The following CNTNAP2 variants were observed in gnomAD, a reference collection of about 807,000 sequenced individuals.
The protein encoded by CNTNAP2 is contactin-associated protein-like 2.
A neutral mutation model predicts 155.2 loss-of-function variants in CNTNAP2; 98 were observed. That is an observed-to-expected ratio of 0.63 (90% CI 0.54 to 0.75). The LOEUF is 0.75. Among genes scored for constraint, CNTNAP2 ranks in the 30% least tolerant of loss-of-function variants. The pLI is 0.00. For missense variants in CNTNAP2, 1,727 were observed against 1,688.1 expected (o/e 1.02, Z -0.40); for synonymous variants, 651 against 631.2 (o/e 1.03, Z -0.47).
chr7:147,576,950 T>G (rs1800407080), intron 12 of CNTNAP2, among the ~76,000 whole-genome samples: 1 of 152,066 alleles, frequency 6.6e-6, no homozygotes, highest in South Asian at 2.1e-4. Context: ...CTAATACACA[T>G]GCAATTATAT....
intron 14 of CNTNAP2, among the ~76,000 whole-genome samples, chr7:147,970,021 CT>C (rs1801306660): frequency 2.0e-5 from 3 of 151,926 alleles, no homozygotes; most frequent in Non-Finnish European, 4.4e-5. Flanking sequence ...CCTCAACCTC[CT>C]GGGCTCAAGC....
intron 15 of CNTNAP2, among the ~76,000 whole-genome samples, chr7:148,087,554 C>T (rs1164881959): frequency 2.6e-5 from 4 of 152,102 alleles, no homozygotes; most frequent in East Asian, 1.9e-4. Flanking sequence ...ATCAAATCAT[C>T]GAAATTTGAT....
intron 4 of CNTNAP2, among the ~76,000 whole-genome samples, chr7:147,059,464 ATACTCT>A (rs1799622916): frequency 6.7e-6 from 1 of 149,342 alleles, no homozygotes; most frequent in African/African-American, 2.5e-5. Context: ...AAATAAAAAG[ATACTCT>A]TGACTGTGAT....
In CNTNAP2 at chr7:148,181,741, C is replaced by CTTTTT. The variant is rs71527884; in HGVS notation, c.3010+9293_3010+9297dup. Reference sequence around the variant, plus strand: ...ATAACTTTTGTTTCAAGTGTGTGCCCTTTTTTTTTTTTTTTTTTTTTTTTT... The same window carrying CTTTTT: ...ATAACTTTTGTTTCAAGTGTGTGCCCTTTTTTTTTTTTTTTTTTTTTTTTTTTTTT... On this transcript the variant is annotated intron_variant, in intron 18 of 23. Coordinates refer to ENST00000361727, the MANE Select transcript of CNTNAP2 (RefSeq NM_014141.6). 8.0e-3 allele frequency among the ~76,000 whole-genome samples: 387 copies of CTTTTT among 48,670 alleles called. 72 individuals are homozygous for CTTTTT. The highest frequency in any genetic ancestry group is 0.025 in the East Asian group (34 of 1,368). The allele number at this position is 48,670 out of a possible 152,430, so 31.9% of individuals were successfully genotyped here.
intron 13 of CNTNAP2, among the ~76,000 whole-genome samples, chr7:147,712,788 A>C (rs1343083734): frequency 6.6e-6 from 1 of 152,200 alleles, no homozygotes; most frequent in Non-Finnish European, 1.5e-5. Flanking sequence ...AGATATACCT[A>C]ATGTAAATGA....
At chr7:147,091,247 G>C (rs2129273080) in intron 4 of CNTNAP2, among the ~76,000 whole-genome samples, 1 of 152,120 alleles carries the variant, frequency 6.6e-6, no homozygotes, top group South Asian at 2.1e-4. Context: ...TCTGGGCTCA[G>C]AGCCAATGCT....
intron 15 of CNTNAP2, among the ~76,000 whole-genome samples, chr7:148,013,609 A>G (rs1802121151): frequency 6.6e-6 from 1 of 152,234 alleles, no homozygotes; most frequent in Admixed American, 6.5e-5. Context: ...AAATTGAATT[A>G]CTGAATCATA....
chr7:147,259,462 G>A (rs1226023038), intron 8 of CNTNAP2, among the ~76,000 whole-genome samples: 2 of 151,804 alleles, frequency 1.3e-5, no homozygotes, highest in Non-Finnish European at 2.9e-5. Flanking sequence ...TCAAGAAAAA[G>A]GGAGAAAAAT....
intron 1 of CNTNAP2, among the ~76,000 whole-genome samples, chr7:146,564,917 A>T (rs1383484979): frequency 6.6e-6 from 1 of 152,122 alleles, no homozygotes; most frequent in Non-Finnish European, 1.5e-5. Flanking sequence ...TATAGATAAG[A>T]AACTGAGCAT....
At chr7:146,751,825 T>G (rs1801909846) in intron 1 of CNTNAP2, among the ~76,000 whole-genome samples, 1 of 151,980 alleles carries the variant, frequency 6.6e-6, no homozygotes, top group South Asian at 2.1e-4. Flanking sequence ...CCTCGCTGTG[T>G]CCTTGTGTTC....
chr7:147,793,781 A>G (rs1797854050), intron 13 of CNTNAP2, among the ~76,000 whole-genome samples: 1 of 151,994 alleles, frequency 6.6e-6, no homozygotes, highest in African/African-American at 2.4e-5. Context: ...AACAATATTA[A>G]GTCTTTTGAT....
intron 8 of CNTNAP2, among the ~76,000 whole-genome samples, chr7:147,179,444 G>C (rs1322360182): frequency 1.3e-5 from 2 of 152,140 alleles, no homozygotes; most frequent in Non-Finnish European, 2.9e-5. Context: ...AGACAAAGAG[G>C]AGGCTAAACA....
intron 8 of CNTNAP2, among the ~76,000 whole-genome samples, chr7:147,145,273 G>C (rs951289367): frequency 3.3e-5 from 5 of 152,108 alleles, no homozygotes; most frequent in African/African-American, 1.2e-4. Context: ...TCTCAGCTAG[G>C]AGTGATTTTG....
chr7:146,856,607 G>T (rs1245420741), intron 3 of CNTNAP2, among the ~76,000 whole-genome samples: 1 of 152,108 alleles, frequency 6.6e-6, no homozygotes, highest in East Asian at 1.9e-4. Context: ...CAAGGGAAAT[G>T]AATAATATTT....
At chr7:146,192,498 A>C (rs1479832856) in intron 1 of CNTNAP2, among the ~76,000 whole-genome samples, 1 of 151,778 alleles carries the variant, frequency 6.6e-6, no homozygotes, top group Non-Finnish European at 1.5e-5. Flanking sequence ...AAGCAAAGTC[A>C]CATCTTACAT....
intron 18 of CNTNAP2, among the ~76,000 whole-genome samples, chr7:148,188,425 A>G (rs1343358643): frequency 6.6e-6 from 1 of 152,202 alleles, no homozygotes; most frequent in African/African-American, 2.4e-5. Context: ...GACATTGGAC[A>G]AGCTTTGAGG....
chr7:146,557,472 A>G lies in CNTNAP2; in HGVS notation c.98-216799A>G, dbSNP rs116027956. Among the ~76,000 whole-genome samples, 1,312 of 152,162 alleles carry G rather than the reference A, an allele frequency of 8.6e-3. 27 individuals carry two copies. The highest frequency in any genetic ancestry group is 0.03 in the African/African-American group (1,248 of 41,470). ...GCCTTTATAATTAATTCTATTGTCT[A>G]TTAGAGTATACAGTTAAGTGCATAT... On this transcript the variant is annotated intron_variant, in intron 1 of 23. Transcript: ENST00000361727.
chr7:147,809,881 G>A (rs1798153081), intron 13 of CNTNAP2, among the ~76,000 whole-genome samples: 1 of 152,202 alleles, frequency 6.6e-6, no homozygotes, highest in South Asian at 2.1e-4. Flanking sequence ...TGCTGAGGAA[G>A]GCTGGAGGGG....
chr7:147,167,956 T>A (rs1413411105), intron 8 of CNTNAP2, among the ~76,000 whole-genome samples: 1 of 150,466 alleles, frequency 6.6e-6, no homozygotes, highest in Non-Finnish European at 1.5e-5. Flanking sequence ...TTACATTATA[T>A]GTGTATATAT....
Sources: gnomAD v4.1 joint callset for allele counts (sites outside exome capture counted in the v4.1 genomes callset) on GRCh38, gnomAD v4.1.1 for gene constraint, MANE v1.5 for transcripts, NCBI Gene and HGNC (gene_info 2026-07-23, HGNC 2026-07-21) for gene names.